Variants in IL20RB observed in about 807,000 individuals in gnomAD.
The protein encoded by IL20RB is interleukin-20 receptor subunit beta.
A neutral mutation model predicts 33.3 loss-of-function variants in IL20RB; 21 were observed. The observed-to-expected ratio is 0.63, with a 90% CI of 0.45 to 0.91. The LOEUF is 0.91. Among genes scored for constraint, IL20RB ranks in the 40% least tolerant of loss-of-function variants. The pLI is 0.00. For missense variants in IL20RB, 345 were observed against 384.8 expected (o/e 0.90, Z 0.86); for synonymous variants, 147 against 146.8 (o/e 1.00, Z -0.01).
chr3:136,989,711 G>A, intron 4 of IL20RB, 146 bp downstream of exon 4: 2 of 816,404 alleles, frequency 2.4e-6, no homozygotes, highest in Non-Finnish European at 3.8e-6. Context: ...TGAGTATGCT[G>A]ACCACCCCAT....
rs141567339 is a variant in IL20RB at position 136,963,692 on chromosome 3, T to TTAA, written c.88+5491_88+5492insTAA. ...GATACTAGTTCTTTTTTTTTTTTTT[T>TTAA]ATTTTTTTTTTTTATTATACTCTAA... On this transcript the variant is annotated intron_variant, in intron 1 of 6. Coordinates refer to ENST00000329582, the MANE Select transcript of IL20RB (RefSeq NM_144717.4). 7.2e-3 allele frequency among the ~76,000 whole-genome samples: 950 copies of TTAA among 131,646 alleles called. 2 individuals carry two copies. The highest frequency in any genetic ancestry group is 0.013 in the East Asian group (54 of 4,058). The allele number at this position is 131,646 out of a possible 152,430, so 86.4% of individuals were successfully genotyped here. A position where few individuals can be genotyped will look rare whatever the true frequency, so the allele number is the denominator to read the frequency against.
intron 4 of IL20RB, 73 bp from the exon 5 acceptor site, chr3:136,991,865 C>G: frequency 6.6e-7 from 1 of 1,525,712 alleles, no homozygotes; most frequent in Non-Finnish European, 8.9e-7. Context: ...CCGCCTCAGG[C>G]TCCCAAAGTG....
intron 6 of IL20RB, among the ~76,000 whole-genome samples, chr3:137,001,125 G>A (rs865808180): frequency 6.6e-6 from 1 of 152,136 alleles, no homozygotes; most frequent in Non-Finnish European, 1.5e-5. Flanking sequence ...TGGAGAAAAC[G>A]AAATAGCTTA....
chr3:136,987,882 T>C (rs1276993812), intron 3 of IL20RB, among the ~76,000 whole-genome samples: 1 of 151,842 alleles, frequency 6.6e-6, no homozygotes, highest in African/African-American at 2.4e-5. Context: ...CTGCTCCGAG[T>C]GCGGGGCCCA....
intron 1 of IL20RB, among the ~76,000 whole-genome samples, chr3:136,966,430 T>A (rs1425349575): frequency 1.2e-5 from 1 of 81,736 alleles, no homozygotes; most frequent in African/African-American, 5.3e-5. Flanking sequence ...CTTGGGAGAG[T>A]GTATGTGTCG....
rs868507782 is a variant in IL20RB at position 136,993,021 on chromosome 3, C to T, written c.682+933C>T. On this transcript the variant is annotated intron_variant, in intron 5 of 6. Coordinates refer to ENST00000329582, the MANE Select transcript of IL20RB (RefSeq NM_144717.4). ...ACTATTTTATGCTACTTTATAAAAT[C>T]ATACAAGTCAAGCTTGCTTAACAAT... Among the ~76,000 whole-genome samples, 15 of 152,108 alleles carry T rather than the reference C, an allele frequency of 9.9e-5. 1 individual carries two copies. The highest frequency in any genetic ancestry group is 3.2e-3 in the Middle Eastern group (1 of 316).
In IL20RB at chr3:137,010,193, T is replaced by C; in HGVS notation, c.906T>C (p.Pro302=). Residue 302 remains proline, a synonymous_variant, in exon 7 of 7, where the codon CCT becomes CCC. Coordinates refer to ENST00000329582, the MANE Select transcript of IL20RB (RefSeq NM_144717.4). ...VDACATAVMS[P]EELLRAWIS ...CCTGTGCCACGGCTGTGATGTCTCCTGAGGAACTCCTCAGGGCCTGGATCT... is the reference window on the plus strand; with the variant it reads ...CCTGTGCCACGGCTGTGATGTCTCCCGAGGAACTCCTCAGGGCCTGGATCT... 1 of 1,598,402 alleles carries C rather than the reference T, an allele frequency of 6.3e-7. No homozygotes were observed. The highest frequency in any genetic ancestry group is 1.1e-5 in the South Asian group (1 of 90,772).
intron 1 of IL20RB, among the ~76,000 whole-genome samples, chr3:136,962,510 T>C (rs781028484): frequency 1.3e-5 from 2 of 152,068 alleles, no homozygotes; most frequent in Non-Finnish European, 2.9e-5. Context: ...TCCCAGCACT[T>C]TGGGAGGCCA....
intron 1 of IL20RB, among the ~76,000 whole-genome samples, chr3:136,970,599 T>C (rs1281887972): frequency 2.0e-5 from 3 of 150,626 alleles, no homozygotes; most frequent in African/African-American, 7.3e-5. Flanking sequence ...AAAATGGTTT[T>C]AGTTATTCTA....
chr3:136,970,027 T>C (rs1941430766), intron 1 of IL20RB, among the ~76,000 whole-genome samples: 1 of 152,090 alleles, frequency 6.6e-6, no homozygotes, highest in African/African-American at 2.4e-5. Context: ...TGTTTGTTTG[T>C]TTGTTTGCCT....
chr3:136,983,623 T>C (rs1470857676), intron 3 of IL20RB, among the ~76,000 whole-genome samples: 2 of 152,116 alleles, frequency 1.3e-5, no homozygotes, highest in Non-Finnish European at 2.9e-5. Flanking sequence ...ATAATGATAG[T>C]ATTCAGCTGT....
intron 1 of IL20RB, among the ~76,000 whole-genome samples, chr3:136,969,732 C>T (rs558195653): frequency 5.9e-5 from 9 of 152,298 alleles, no homozygotes; most frequent in African/African-American, 1.4e-4. Flanking sequence ...CTTGGCTCCT[C>T]CTCCCTCTCT....
At chr3:136,958,295 G>A (rs978600826) in intron 1 of IL20RB, 94 bp downstream of exon 1, 12 of 742,690 alleles carry the variant, frequency 1.6e-5, no homozygotes, top group Admixed American at 1.2e-4. Context: ...GTTGAAATAT[G>A]TGTATAGAAT....
Position 137,010,453 on chromosome 3 carries a change from G to C in IL20RB, c.*230G>C, listed in dbSNP as rs895329656. 3.3e-5 allele frequency: 15 copies of C among 454,650 alleles called. No homozygotes were observed. Among genetic ancestry groups the C allele is most frequent in the African/African-American group, 1.8e-4 (9 of 51,300 alleles). 28.2% of individuals were successfully genotyped at this position (454,650 alleles called of 1,614,324 possible). ...TCTAGACTGGGGGCTGCCACTTGCTGGCTGAGCAACCCTGGGAAAAGTGAC... is the reference window on the plus strand; with the variant it reads ...TCTAGACTGGGGGCTGCCACTTGCTCGCTGAGCAACCCTGGGAAAAGTGAC... On this transcript the variant is annotated 3_prime_UTR_variant, in exon 7 of 7. Coordinates refer to ENST00000329582, the MANE Select transcript of IL20RB (RefSeq NM_144717.4).
intron 6 of IL20RB, among the ~76,000 whole-genome samples, chr3:136,999,625 C>T (rs80075304): frequency 6.7e-6 from 1 of 149,344 alleles, no homozygotes; most frequent in African/African-American, 2.5e-5. Flanking sequence ...ATTAGACCTT[C>T]AGATATTGTC....
chr3:137,003,128 T>C (rs1942279909), intron 6 of IL20RB, among the ~76,000 whole-genome samples: 1 of 152,216 alleles, frequency 6.6e-6, no homozygotes, highest in African/African-American at 2.4e-5. Context: ...CATTTGTCTA[T>C]ATCTCTGTTT....
chr3:136,966,058 G>A (rs1941341310), intron 1 of IL20RB, among the ~76,000 whole-genome samples: 1 of 118,366 alleles, frequency 8.4e-6, no homozygotes, highest in African/African-American at 3.6e-5. Flanking sequence ...ACTTGATCAT[G>A]GTGGATAAGC....
At chr3:136,986,650 G>A (rs1351037427) in intron 3 of IL20RB, 1 of 456,604 alleles carries the variant, frequency 2.2e-6, no homozygotes, top group Non-Finnish European at 4.4e-6. Context: ...CTCTGATGAG[G>A]GACGCGATGG....
chr3:136,971,762 A>C (rs1191279719), intron 1 of IL20RB, among the ~76,000 whole-genome samples: 2 of 152,128 alleles, frequency 1.3e-5, no homozygotes, highest in African/African-American at 2.4e-5. Flanking sequence ...TTGATTTCAT[A>C]TCTTTGCTAT....
Sources: gnomAD v4.1 joint callset for allele counts (sites outside exome capture counted in the v4.1 genomes callset) on GRCh38, gnomAD v4.1.1 for gene constraint, MANE v1.5 for transcripts, NCBI Gene and HGNC (gene_info 2026-07-23, HGNC 2026-07-21) for gene names.